CACNA2D3: variants seen among roughly 807,000 people sequenced by gnomAD.
The protein encoded by CACNA2D3 is voltage-dependent calcium channel subunit alpha-2/delta-3.
A neutral mutation model predicts 160.6 loss-of-function variants in CACNA2D3; 60 were observed. The observed-to-expected ratio is 0.37, with a 90% CI of 0.30 to 0.46. CACNA2D3 has a LOEUF of 0.46. CACNA2D3 is among the 20% of genes least tolerant of loss of function. The probability of loss-of-function intolerance (pLI) is 1.00; values close to 1 mark genes in which losing one functional copy is unlikely to be tolerated. For missense variants in CACNA2D3, 1,205 were observed against 1,365.0 expected, an observed-to-expected ratio of 0.88 and a Z score of 1.85; for synonymous variants, 558 against 492.9, an observed-to-expected ratio of 1.13 and a Z score of -1.75.
chr3:54,251,004 G>T (rs1006497707), intron 2 of CACNA2D3, among the ~76,000 whole-genome samples: 1 of 152,152 alleles, frequency 6.6e-6, no homozygotes, highest in Non-Finnish European at 1.5e-5. Context: ...GAGAAACAGC[G>T]GGTGCAAAAG....
At chr3:55,066,110 G>C (rs1189395547) in intron 35 of CACNA2D3, among the ~76,000 whole-genome samples, 1 of 152,104 alleles carries the variant, frequency 6.6e-6, no homozygotes, top group Non-Finnish European at 1.5e-5. Context: ...AGGGAAACCT[G>C]GTGCTTGCTG....
At chr3:54,479,232 G>C (rs1700893085) in intron 4 of CACNA2D3, among the ~76,000 whole-genome samples, 2 of 152,140 alleles carry the variant, frequency 1.3e-5, no homozygotes, top group Admixed American at 1.3e-4. Flanking sequence ...CTTCCACTGT[G>C]ATTGTAAGTT....
At chr3:54,660,167 T>A (rs1699942813) in intron 11 of CACNA2D3, among the ~76,000 whole-genome samples, 1 of 151,500 alleles carries the variant, frequency 6.6e-6, no homozygotes. Flanking sequence ...CTTTTTATTT[T>A]TTTTTATTTT....
chr3:54,569,448 G>T (rs953301672), intron 6 of CACNA2D3, among the ~76,000 whole-genome samples: 3 of 151,212 alleles, frequency 2.0e-5, no homozygotes, highest in African/African-American at 7.3e-5. Flanking sequence ...GATCCCCCCA[G>T]GTGCAACAAC....
At chr3:54,833,514 A>AC (rs958883646) in intron 14 of CACNA2D3, among the ~76,000 whole-genome samples, 13 of 151,026 alleles carry the variant, frequency 8.6e-5, no homozygotes, top group South Asian at 2.1e-4. Context: ...AAAAGCAGGG[A>AC]CCCCCCTAGC....
At chr3:54,982,931 A>T (rs920349663) in intron 29 of CACNA2D3, among the ~76,000 whole-genome samples, 3 of 152,076 alleles carry the variant, frequency 2.0e-5, no homozygotes, top group Non-Finnish European at 4.4e-5. Context: ...TTGTATCAGC[A>T]AGGTCTTTAT....
chr3:54,466,032 C>A (rs907741649), intron 4 of CACNA2D3, among the ~76,000 whole-genome samples: 1 of 152,188 alleles, frequency 6.6e-6, no homozygotes, highest in Non-Finnish European at 1.5e-5. Flanking sequence ...TCAAAACCAC[C>A]AACCGTGTGT....
Position 54,527,720 on chromosome 3 carries a change from T to G in CACNA2D3, c.544+24066T>G, listed in dbSNP as rs78446385. On this transcript the variant is annotated intron_variant, in intron 5 of 37. Transcript: ENST00000474759. ...AGAAATGCTGATGACCTGCCCCTCC[T>G]GGGATGAATGCCCTCCAACTGTGAA... 4.0e-3 allele frequency among the ~76,000 whole-genome samples: 606 copies of G among 152,272 alleles called. 5 individuals carry two copies. The highest frequency in any genetic ancestry group is 0.014 in the African/African-American group (576 of 41,550).
chr3:54,954,544 TCC>T lies in CACNA2D3; in HGVS notation c.2450-13904_2450-13903del, dbSNP rs1461838147. Among the ~76,000 whole-genome samples the T allele has an allele frequency of 7.2e-5, 11 of 152,336 alleles. No individual in the cohort carries two copies. The East Asian group carries it at 1.9e-3, about 27-fold the overall frequency. ...GTCGGGGTCTACCAGCCCTTCGGCT[TCC>T]CTTTGATTCTCTTCCCTTTCCAGTC... On this transcript the variant is annotated intron_variant, in intron 27 of 37. Coordinates refer to ENST00000474759, the MANE Select transcript of CACNA2D3 (RefSeq NM_018398.3).
intron 11 of CACNA2D3, among the ~76,000 whole-genome samples, chr3:54,737,094 T>G (rs542691816): frequency 6.6e-6 from 1 of 152,188 alleles, no homozygotes; most frequent in East Asian, 1.9e-4. Context: ...TATTCATTTT[T>G]GGGGTATTTG....
At chr3:54,921,987 G>A (rs1448337837) in intron 27 of CACNA2D3, among the ~76,000 whole-genome samples, 1 of 151,156 alleles carries the variant, frequency 6.6e-6, no homozygotes, top group Admixed American at 6.6e-5. Flanking sequence ...TAATCAGACT[G>A]TCTCCCATGT....
chr3:54,969,986 CT>C, intron 29 of CACNA2D3, 142 bp downstream of exon 29: 1 of 590,478 alleles, frequency 1.7e-6, no homozygotes, highest in Non-Finnish European at 2.9e-6. Flanking sequence ...AAATCATTTG[CT>C]TTATTTGCTT....
intron 29 of CACNA2D3, among the ~76,000 whole-genome samples, chr3:54,977,285 T>G (rs1481878496): frequency 1.3e-5 from 2 of 152,186 alleles, no homozygotes; most frequent in African/African-American, 4.8e-5. Context: ...ATGTTTTATT[T>G]GTAGCAGGTA....
chr3:54,576,089 G>A (rs536088171), intron 8 of CACNA2D3, among the ~76,000 whole-genome samples: 1 of 152,232 alleles, frequency 6.6e-6, no homozygotes, highest in Admixed American at 6.5e-5. Context: ...TCAGCTTCAG[G>A]GCAGGGTGTT....
At position 54,871,504 on chromosome 3, in the gene CACNA2D3, T is replaced by C. The variant is rs1047129548; in HGVS notation, c.1627-35T>C. The C allele has an allele frequency of 2.6e-6, 4 of 1,544,836 alleles. No homozygotes were observed. The African/African-American group carries it at 4.1e-5, about 16-fold the overall frequency. On this transcript the variant is annotated intron_variant, in intron 17 of 37. Transcript: ENST00000474759. ...CCTGGCTGATGACTTCACGGACTTT[T>C]GTTTTTCTTTTCTTTTTCTTCTTCC...
intron 12 of CACNA2D3, among the ~76,000 whole-genome samples, chr3:54,755,213 A>C (rs1418826262): frequency 6.6e-6 from 1 of 152,066 alleles, no homozygotes; most frequent in Non-Finnish European, 1.5e-5. Context: ...ACCCCTTTGA[A>C]GAGATTATGG....
At chr3:54,151,226 T>C (rs779161585) in intron 2 of CACNA2D3, among the ~76,000 whole-genome samples, 12 of 150,238 alleles carry the variant, frequency 8.0e-5, no homozygotes, top group Non-Finnish European at 1.5e-4. Context: ...TTAATGGATG[T>C]AGAGATGGAT....
chr3:55,035,551 T>C (rs889645155), intron 35 of CACNA2D3, among the ~76,000 whole-genome samples: 14 of 152,216 alleles, frequency 9.2e-5, no homozygotes, highest in African/African-American at 2.9e-4. Flanking sequence ...AGAATGCGTA[T>C]TTCAGTTCAC....
intron 2 of CACNA2D3, among the ~76,000 whole-genome samples, chr3:54,141,113 G>GC (rs1392004349): frequency 1.1e-4 from 17 of 150,774 alleles, no homozygotes; most frequent in African/African-American, 4.2e-4. Flanking sequence ...GTGCATGCAT[G>GC]CCTGAGATGT....
Sources: allele counts gnomAD v4.1 joint callset (sites outside exome capture counted in the v4.1 genomes callset), GRCh38; gene constraint gnomAD v4.1.1; transcripts MANE v1.5; gene names NCBI Gene and HGNC (gene_info 2026-07-23, HGNC 2026-07-21).